RRAS2: variants seen among roughly 807,000 people sequenced by gnomAD.
RRAS2 encodes the protein ras-related protein R-Ras2.
A neutral mutation model predicts 27.6 loss-of-function variants in RRAS2; 7 were observed. That is an observed-to-expected ratio of 0.25 (90% CI 0.14 to 0.48). The LOEUF (loss-of-function observed/expected upper bound fraction) is 0.48, where lower values mean the gene tolerates loss of function less well. Among genes scored for constraint, RRAS2 ranks in the 20% least tolerant of loss-of-function variants. RRAS2 has a pLI of 0.99. For synonymous variants in RRAS2, 86 were observed against 90.9 expected (o/e 0.95, Z 0.31); for missense variants, 178 against 256.2 (o/e 0.69, Z 2.08).
At chr11:14,341,201 G>C (rs1848697473) in intron 1 of RRAS2, among the ~76,000 whole-genome samples, 1 of 152,036 alleles carries the variant, frequency 6.6e-6, no homozygotes. Context: ...TAAATTTCAT[G>C]AGCAAAAAAA....
intron 1 of RRAS2, among the ~76,000 whole-genome samples, chr11:14,309,803 G>A (rs543421460): frequency 3.9e-5 from 6 of 152,172 alleles, no homozygotes; most frequent in Non-Finnish European, 7.3e-5. Context: ...GGAGGCAGGC[G>A]GAGACTTGCA....
intron 1 of RRAS2, among the ~76,000 whole-genome samples, chr11:14,352,781 GGAGA>G (rs376706893): frequency 7.7e-6 from 1 of 129,074 alleles, no homozygotes; most frequent in Non-Finnish European, 1.7e-5. Flanking sequence ...AGAGAGAGAG[GGAGA>G]GAGAGAGAGA....
chr11:14,348,250 T>C (rs1554954307), intron 1 of RRAS2, among the ~76,000 whole-genome samples: 1 of 152,194 alleles, frequency 6.6e-6, no homozygotes, highest in East Asian at 1.9e-4. Flanking sequence ...GATGTTGACT[T>C]TCATCACATG....
intron 1 of RRAS2, among the ~76,000 whole-genome samples, chr11:14,301,566 GAAGTA>G (rs1847706161): frequency 6.6e-6 from 1 of 152,196 alleles, no homozygotes; most frequent in Non-Finnish European, 1.5e-5. Context: ...CTTTGTCAGA[GAAGTA>G]AAGTGACCTG....
At chr11:14,337,271 A>G (rs1290414652) in intron 1 of RRAS2, 12 of 152,242 alleles carry the variant, frequency 7.9e-5, no homozygotes, top group African/African-American at 2.9e-4. Flanking sequence ...CCCTTTGTCC[A>G]GAGTATCCAC....
chr11:14,345,132 G>A (rs1326398032), intron 1 of RRAS2, among the ~76,000 whole-genome samples: 4 of 151,750 alleles, frequency 2.6e-5, no homozygotes, highest in African/African-American at 9.7e-5. Flanking sequence ...GATTATTGGC[G>A]CGTGTCACTA....
chr11:14,332,724 A>G (rs2134012532), intron 1 of RRAS2, among the ~76,000 whole-genome samples: 1 of 152,296 alleles, frequency 6.6e-6, no homozygotes, highest in African/African-American at 2.4e-5. Context: ...AATGTCCTAT[A>G]TGTGCTTGTA....
intron 1 of RRAS2, among the ~76,000 whole-genome samples, chr11:14,298,357 A>G (rs1276255564): frequency 6.6e-6 from 1 of 152,216 alleles, no homozygotes; most frequent in Non-Finnish European, 1.5e-5. Flanking sequence ...AATAGCTAGA[A>G]TTCTTTAAAT....
chr11:14,336,160 A>G (rs1265485698), intron 1 of RRAS2, among the ~76,000 whole-genome samples: 1 of 152,232 alleles, frequency 6.6e-6, no homozygotes, highest in Admixed American at 6.5e-5. Flanking sequence ...GCAGTAATAA[A>G]GAGCGTCCCC....
chr11:14,293,471 C>T (rs1214089840), intron 4 of RRAS2, among the ~76,000 whole-genome samples: 2 of 151,988 alleles, frequency 1.3e-5, no homozygotes, highest in African/African-American at 4.8e-5. Flanking sequence ...GTGTTCCCAT[C>T]CAAATCTCAT....
chr11:14,350,722 A>G (rs80257258), intron 1 of RRAS2, among the ~76,000 whole-genome samples: 16 of 152,178 alleles, frequency 1.1e-4, no homozygotes, highest in African/African-American at 3.9e-4. Flanking sequence ...CAAAAAAAAA[A>G]TCTCATGTTT....
chr11:14,360,086 G>A (rs186809847), upstream of RRAS2, among the ~76,000 whole-genome samples: 13 of 152,014 alleles, frequency 8.6e-5, no homozygotes, highest in Non-Finnish European at 4.4e-5. Context: ...TTCTCACTCC[G>A]GGAGGAACAA....
intron 4 of RRAS2, among the ~76,000 whole-genome samples, chr11:14,285,148 C>T (rs1458087327): frequency 6.6e-6 from 1 of 152,066 alleles, no homozygotes; most frequent in South Asian, 2.1e-4. Flanking sequence ...GGTTAATTAA[C>T]TATATATCTG....
chr11:14,299,292 A>G (rs781983723), intron 1 of RRAS2, among the ~76,000 whole-genome samples: 14 of 152,184 alleles, frequency 9.2e-5, no homozygotes, highest in Admixed American at 7.2e-4. Flanking sequence ...GACCTCTGGG[A>G]TTTGGTATCC....
chr11:14,353,559 T>C lies in RRAS2; in HGVS notation c.108+5204A>G, dbSNP rs797028663. On this transcript the variant is annotated intron_variant, in intron 1 of 5. Coordinates refer to ENST00000256196, the MANE Select transcript of RRAS2 (RefSeq NM_012250.6). ...AGCCAAGATCACGCCATTGCACCAC[T>C]GCACTCTAGCCTGAACAAGAGCGAA... Among the ~76,000 whole-genome samples, 3 of 150,796 alleles carry C rather than the reference T, an allele frequency of 2.0e-5. No individual in the cohort carries two copies. In the East Asian group the frequency reaches 5.9e-4, roughly 29 times the overall value.
intron 1 of RRAS2, among the ~76,000 whole-genome samples, chr11:14,310,626 C>T (rs1554948737): frequency 6.6e-6 from 1 of 152,146 alleles, no homozygotes; most frequent in Non-Finnish European, 1.5e-5. Context: ...AGGCACTGCT[C>T]TCTCTCTACA....
In RRAS2 at chr11:14,358,454, T is replaced by C; in HGVS notation, c.108+309A>G. 4 of 985,072 alleles carry C rather than the reference T, an allele frequency of 4.1e-6. No homozygotes were observed. The highest frequency in any genetic ancestry group is 4.8e-6 in the Non-Finnish European group (4 of 829,962). 61.0% of individuals were successfully genotyped at this position (985,072 alleles called of 1,614,324 possible). On this transcript the variant is annotated intron_variant, in intron 1 of 5. Transcript: ENST00000256196. The surrounding 1 kb of genome is among the most constrained non-coding windows in gnomAD (Gnocchi z 5.1). The stretch of plus-strand genomic sequence containing the variant: ...AAGCCCGGCTCGGTGGCCCAGCCTC[T>C]CCCGGAGGTCTCTGGCCTCGGCCAG...
chr11:14,354,172 C>G (rs1185151471), intron 1 of RRAS2, among the ~76,000 whole-genome samples: 11 of 152,140 alleles, frequency 7.2e-5, no homozygotes, highest in African/African-American at 2.7e-4. Context: ...AAAAAGTACT[C>G]AGCAAAAGAC....
rs142432433 is a variant in RRAS2 at position 14,339,304 on chromosome 11, GGA to G, written c.108+19457_108+19458del. Reference sequence around the variant, plus strand: ...AAAAAAAAAAAAAAAGGGGGGGGGGGGAAGAAAAAATCTATAATAAAAAAATA... The same window carrying G: ...AAAAAAAAAAAAAAAGGGGGGGGGGGAGAAAAAATCTATAATAAAAAAATA... On this transcript the variant is annotated intron_variant, in intron 1 of 5. Transcript: ENST00000256196. 3.4e-3 allele frequency among the ~76,000 whole-genome samples: 395 copies of G among 114,960 alleles called. 9 individuals carry two copies. Among genetic ancestry groups the G allele is most frequent in the Middle Eastern group, 0.013 (3 of 224 alleles). 75.4% of individuals were successfully genotyped at this position (114,960 alleles called of 152,430 possible). A position where few individuals can be genotyped will look rare whatever the true frequency, so the allele number is the denominator to read the frequency against.
Sources: gnomAD v4.1 joint callset for allele counts (sites outside exome capture counted in the v4.1 genomes callset) on GRCh38, gnomAD v4.1.1 for gene constraint, Gnocchi (gnomAD v3.1) non-coding constraint, MANE v1.5 for transcripts, NCBI Gene and HGNC (gene_info 2026-07-23, HGNC 2026-07-21) for gene names.